The following SYNE3 variants were observed in gnomAD, a reference collection of about 807,000 sequenced individuals.
The protein encoded by SYNE3 is nesprin-3.
In SYNE3, 100 loss-of-function variants were observed where a neutral mutation model predicts 111.2. The observed-to-expected ratio is 0.90, with a 90% CI of 0.77 to 1.06. The LOEUF is 1.06. SYNE3 is among the 50% of genes least tolerant of loss of function. SYNE3 has a pLI of 0.00. For missense variants in SYNE3, 1,160 were observed against 1,240.3 expected (o/e 0.94, Z 0.97); for synonymous variants, 547 against 533.9 (o/e 1.02, Z -0.34).
intron 17 of SYNE3, among the ~76,000 whole-genome samples, chr14:95,425,971 C>G (rs1333768574): frequency 6.6e-6 from 1 of 152,012 alleles, no homozygotes; most frequent in East Asian, 1.9e-4. Context: ...TGCCCCAGGG[C>G]CAAATGTGAT....
At position 95,450,080 on chromosome 14, in the gene SYNE3, G is replaced by T. The variant is rs376232551; in HGVS notation, c.1300C>A (p.Arg434Ser). The change falls in exon 8 of 18, where the codon CGC becomes AGC. Residue 434 changes from arginine to serine, a missense_variant. By Grantham distance (110) the Arg-to-Ser change is moderately radical (BLOSUM62 -1). Coordinates refer to ENST00000682763, the MANE Select transcript of SYNE3 (RefSeq NM_152592.6). The part of the protein sequence containing the change: ...QSLKVKSARL[R>S]NAAAVELWQH... ...CACAGCTCCACCGCCGCGGCATTGC[G>T]CAGCCTCGCGCTCTTCACCTTCAGG... is the stretch of plus-strand genomic sequence containing the variant. 1.1e-5 allele frequency: 17 copies of T among 1,574,412 alleles called. No homozygotes were observed. Among genetic ancestry groups the T allele is most frequent in the Non-Finnish European group, 1.4e-5 (16 of 1,159,680 alleles).
At chr14:95,428,517 G>A (rs756595091) in intron 17 of SYNE3, among the ~76,000 whole-genome samples, 4 of 152,278 alleles carry the variant, frequency 2.6e-5, no homozygotes, top group Admixed American at 1.3e-4. Flanking sequence ...TATTCCAAGA[G>A]CCCACATATG....
chr14:95,426,621 C>T (rs1272785956), intron 17 of SYNE3, among the ~76,000 whole-genome samples: 1 of 152,010 alleles, frequency 6.6e-6, no homozygotes, highest in African/African-American at 2.4e-5. Context: ...GCAAGCCACC[C>T]AGGTGCCGAG....
At chr14:95,424,233 A>G (rs1007046796) in intron 17 of SYNE3, among the ~76,000 whole-genome samples, 1 of 151,826 alleles carries the variant, frequency 6.6e-6, no homozygotes, top group African/African-American at 2.4e-5. Context: ...GATGCCAAGG[A>G]GAAAATGACC....
chr14:95,499,856 C>CTTTTTTTTTTTTTTTTTTTTTTTT lies in SYNE3; in HGVS notation c.-15+16739_-15+16740insAAAAAAAAAAAAAAAAAAAAAAAA, dbSNP rs10547044. ...AATCCCCTGTATCACTAACTCTTGT[C>CTTTTTTTTTTTTTTTTTTTTTTTT]TTTTTTTTTTTTTTTTTTTTGAGAT... On this transcript the variant is annotated intron_variant, in intron 1 of 17. Coordinates refer to ENST00000682763, the MANE Select transcript of SYNE3 (RefSeq NM_152592.6). 3.2e-4 allele frequency among the ~76,000 whole-genome samples: 29 copies of CTTTTTTTTTTTTTTTTTTTTTTTT among 90,062 alleles called. 4 individuals carry two copies. The highest frequency in any genetic ancestry group is 1.2e-3 in the African/African-American group (25 of 21,272). The allele number at this position is 90,062 out of a possible 152,430, so 59.1% of individuals were successfully genotyped here.
intron 15 of SYNE3, among the ~76,000 whole-genome samples, chr14:95,436,079 GT>G (rs1363230202): frequency 6.8e-6 from 1 of 147,636 alleles, no homozygotes; most frequent in African/African-American, 2.4e-5. Flanking sequence ...GAGAGAAGTA[GT>G]AGTTCAGTTG....
At chr14:95,427,763 G>T (rs914983877) in intron 17 of SYNE3, among the ~76,000 whole-genome samples, 2 of 122,874 alleles carry the variant, frequency 1.6e-5, no homozygotes, top group Admixed American at 1.8e-4. Context: ...ACCGGTCTCT[G>T]TGTCTTGGTG....
In SYNE3 at chr14:95,475,725, T is replaced by C; in HGVS notation, c.97A>G (p.Thr33Ala). 6.2e-7 allele frequency: 1 copy of C among 1,606,056 alleles called. No individual in the cohort carries two copies. The highest frequency in any genetic ancestry group is 8.5e-7 in the Non-Finnish European group (1 of 1,176,870). ...TCCAGGGCCGCGCGGGGTCCCTGCG[T>C]GTTGTCATTGACCTGCAGCTGGTCC... ...VQDQLQVNDN[T>A]QGPRAALEAR... is the part of the protein sequence containing the mutation. The change falls in exon 2 of 18, where the codon ACG becomes GCG. Residue 33 changes from threonine (T) to alanine (A), a missense_variant. Transcript: ENST00000682763.
At chr14:95,429,791 C>T (rs1885643212) in intron 17 of SYNE3, among the ~76,000 whole-genome samples, 1 of 152,160 alleles carries the variant, frequency 6.6e-6, no homozygotes, top group South Asian at 2.1e-4. Flanking sequence ...CTACATGGAT[C>T]ACAAGTGGTG....
chr14:95,482,001 T>G (rs1272463906), intron 1 of SYNE3, among the ~76,000 whole-genome samples: 1 of 152,094 alleles, frequency 6.6e-6, no homozygotes, highest in African/African-American at 2.4e-5. Context: ...CCCTTCCCCT[T>G]CCCCGGCTCT....
At position 95,466,077 on chromosome 14, in the gene SYNE3, G is replaced by A. The variant is rs916527196; in HGVS notation, c.481C>T (p.His161Tyr). The change falls in exon 4 of 18, where the codon CAC (histidine) becomes TAC (tyrosine). Residue 161 changes from histidine (H) to tyrosine (Y), a missense_variant. Physicochemically the swap from His to Tyr is moderately conservative, Grantham distance 83 (BLOSUM62 2). Coordinates refer to ENST00000682763, the MANE Select transcript of SYNE3 (RefSeq NM_152592.6). ...AGCACCGCCTGGTTGTCCACGTTGTGCAGCAGCACCTGGGCGTGGCTCAGC... is the reference window on the plus strand; with the variant it reads ...AGCACCGCCTGGTTGTCCACGTTGTACAGCAGCACCTGGGCGTGGCTCAGC... ...WQLSHAQVLLHNVDNQAVLLD... is the reference protein window; with the variant it reads ...WQLSHAQVLLYNVDNQAVLLD... 5.6e-6 allele frequency: 9 copies of A among 1,613,272 alleles called. No homozygotes were observed. The highest frequency in any genetic ancestry group is 1.3e-5 in the African/African-American group (1 of 74,926).
rs73339120 is a variant in SYNE3, at chr14:95,417,880, G to A, written c.2874C>T (p.Asn958=). The change falls in exon 18 of 18, where the codon AAC becomes AAT. Residue 958 remains asparagine (N), a synonymous_variant. Transcript: ENST00000682763. The part of the protein sequence containing the change: ...EEDRSCTLAN[N]FARSFTLMLR... ...GCATGAGCGTGAAGGAGCGGGCGAA[G>A]TTGTTGGCCAGGGTGCAGCTGCGGT... 3.0e-3 allele frequency: 4,825 copies of A among 1,614,244 alleles called. 120 individuals are homozygous for A. In the African/African-American group the frequency reaches 0.054, roughly 18 times the overall value.
chr14:95,423,330 C>T (rs1885239471), intron 17 of SYNE3, among the ~76,000 whole-genome samples: 1 of 152,154 alleles, frequency 6.6e-6, no homozygotes, highest in African/African-American at 2.4e-5. Flanking sequence ...CCTCTCCTCC[C>T]GCCACTTCCC....
In SYNE3 at chr14:95,433,708, C is replaced by T. The variant is rs147683850; in HGVS notation, c.2539-299G>A. ...TCCTCCAGAGGGCTTGACTAGAGTTCGCATCATTCTAAAAGCTGTCATTGT... is the reference window on the plus strand; with the variant it reads ...TCCTCCAGAGGGCTTGACTAGAGTTTGCATCATTCTAAAAGCTGTCATTGT... On this transcript the variant is annotated intron_variant, in intron 15 of 17. Transcript: ENST00000682763. Among the ~76,000 whole-genome samples the T allele has an allele frequency of 3.6e-3, 551 of 152,316 alleles. 5 individuals carry two copies. The highest frequency in any genetic ancestry group is 0.012 in the African/African-American group (519 of 41,572).
Position 95,466,239 on chromosome 14 carries a change from G to A in SYNE3, c.319C>T (p.Arg107Cys), listed in dbSNP as rs774814848. 6.4e-6 allele frequency: 10 copies of A among 1,561,932 alleles called. No individual in the cohort carries two copies. Among genetic ancestry groups the A allele is most frequent in the South Asian group, 2.3e-5 (2 of 85,242 alleles). Residue 107 changes from arginine to cysteine, a missense_variant and splice_region_variant, in exon 4 of 18, where the codon CGC (arginine) becomes TGC (cysteine). Coordinates refer to ENST00000682763, the MANE Select transcript of SYNE3 (RefSeq NM_152592.6). The stretch of plus-strand genomic sequence containing the variant: ...CAGTGCAGCCACACCCACTCGATGC[G>A]GCTGTGGGCACAGAGACCTCAAGGT... ...TVTYMTHCHS[R>C]IEWVWLHWSE...
At chr14:95,459,363 C>A (rs779664972) in intron 4 of SYNE3, among the ~76,000 whole-genome samples, 1 of 151,980 alleles carries the variant, frequency 6.6e-6, no homozygotes, top group Non-Finnish European at 1.5e-5. Flanking sequence ...GAGTTCAAGA[C>A]GAGCCTAGGC....
At position 95,409,471 on chromosome 14, in the gene SYNE3, C is replaced by T; in HGVS notation, c.*8355G>A. 2.3e-6 allele frequency: 1 copy of T among 430,082 alleles called. No individual in the cohort carries two copies. The highest frequency in any genetic ancestry group is 2.0e-5 in the African/African-American group (1 of 48,858). The allele number at this position is 430,082 out of a possible 1,614,324, so 26.6% of individuals were successfully genotyped here. On this transcript the variant is annotated 3_prime_UTR_variant, in exon 18 of 18. Coordinates refer to ENST00000682763, the MANE Select transcript of SYNE3 (RefSeq NM_152592.6). ...AGAAGCAAGCGTTTCAGAAAGGAAG[C>T]CCAGGATCCTCGGGGGAAACCGAGG...
chr14:95,435,560 T>C (rs1566960531), intron 15 of SYNE3, among the ~76,000 whole-genome samples: 1 of 152,134 alleles, frequency 6.6e-6, no homozygotes, highest in African/African-American at 2.4e-5. Flanking sequence ...GGTGATATTT[T>C]AAGAAAGATT....
chr14:95,464,454 GA>G (rs1397340758), intron 4 of SYNE3, among the ~76,000 whole-genome samples: 1 of 151,950 alleles, frequency 6.6e-6, no homozygotes, highest in African/African-American at 2.4e-5. Context: ...GGGTGAAGTA[GA>G]AAAAAAATAT....
Sources: allele counts gnomAD v4.1 joint callset (sites outside exome capture counted in the v4.1 genomes callset), GRCh38; gene constraint gnomAD v4.1.1; transcripts MANE v1.5; gene names NCBI Gene and HGNC (gene_info 2026-07-23, HGNC 2026-07-21).